The following MYH10 variants were observed in gnomAD, a reference collection of about 807,000 sequenced individuals.
MYH10 encodes the protein myosin heavy chain 10, also known as myosin-10.
MYH10 carries 55 observed loss-of-function variants against 257.8 expected under a neutral mutation model. The ratio of observed to expected loss-of-function variants is 0.21; its 90% CI spans 0.17 to 0.27. The LOEUF (loss-of-function observed/expected upper bound fraction) is 0.27, where lower values mean the gene tolerates loss of function less well. Ranked by LOEUF, MYH10 falls within the 10% of genes least tolerant of loss-of-function variation. The pLI, the probability that MYH10 is intolerant of heterozygous loss-of-function variation, is 1.00. For missense variants in MYH10, 1,631 were observed against 2,500.6 expected (o/e 0.65, Z 7.42); for synonymous variants, 854 against 921.7 (o/e 0.93, Z 1.33).
chr17:8,570,446 CAG>C (rs1361653682), intron 6 of MYH10, among the ~76,000 whole-genome samples: 3 of 152,126 alleles, frequency 2.0e-5, no homozygotes, highest in African/African-American at 7.2e-5. Context: ...GGCTATAAAA[CAG>C]ATTTTACAAA....
chr17:8,615,662 A>G (rs1355803524), intron 2 of MYH10, among the ~76,000 whole-genome samples: 1 of 152,240 alleles, frequency 6.6e-6, no homozygotes. Flanking sequence ...ATTCTCCACA[A>G]TAACAAAATA....
At chr17:8,624,563 G>T (rs2085598638) in intron 1 of MYH10, among the ~76,000 whole-genome samples, 1 of 152,116 alleles carries the variant, frequency 6.6e-6, no homozygotes, top group African/African-American at 2.4e-5. Flanking sequence ...TTCTTTGTAG[G>T]CAAGAGGAAA....
intron 3 of MYH10, among the ~76,000 whole-genome samples, chr17:8,600,263 G>T (rs2084541251): frequency 3.9e-5 from 6 of 152,142 alleles, no homozygotes. Flanking sequence ...GGTAGAAGAT[G>T]GCCATGAAAT....
intron 7 of MYH10, among the ~76,000 whole-genome samples, chr17:8,556,144 A>G (rs2082785595): frequency 6.6e-6 from 1 of 152,256 alleles, no homozygotes; most frequent in Admixed American, 6.5e-5. Context: ...TAGCAAAGAT[A>G]CAGAATAACT....
intron 13 of MYH10, among the ~76,000 whole-genome samples, 156 bp from the exon 14 acceptor site, chr17:8,542,436 G>T (rs910508785): frequency 1.3e-5 from 2 of 152,156 alleles, no homozygotes; most frequent in Admixed American, 1.3e-4. Flanking sequence ...CTAAACCAAG[G>T]GGGGTGGTCT....
chr17:8,516,912 G>A (rs1188210945), intron 21 of MYH10, among the ~76,000 whole-genome samples: 1 of 152,172 alleles, frequency 6.6e-6, no homozygotes, highest in Non-Finnish European at 1.5e-5. Flanking sequence ...GCTGAGGCGG[G>A]TGGATCACAA....
intron 17 of MYH10, among the ~76,000 whole-genome samples, chr17:8,521,943 C>G (rs558614831): frequency 6.6e-6 from 1 of 152,310 alleles, no homozygotes; most frequent in African/African-American, 2.4e-5. Flanking sequence ...AGATAAATGA[C>G]TAAGCTTCCT....
chr17:8,541,323 T>C (rs1023068205), intron 14 of MYH10, among the ~76,000 whole-genome samples: 1 of 152,240 alleles, frequency 6.6e-6, no homozygotes, highest in African/African-American at 2.4e-5. Flanking sequence ...ACTTAACTAG[T>C]GTTAGAGCTT....
chr17:8,531,680 C>T (rs753174063), intron 16 of MYH10, among the ~76,000 whole-genome samples: 8 of 151,930 alleles, frequency 5.3e-5, no homozygotes, highest in East Asian at 1.9e-4. Context: ...CGTGAGCCAC[C>T]GTGCCCAGCC....
At chr17:8,580,468 C>G (rs2083662571) in intron 4 of MYH10, among the ~76,000 whole-genome samples, 1 of 148,606 alleles carries the variant, frequency 6.7e-6, no homozygotes, top group Admixed American at 6.7e-5. Flanking sequence ...TTGTATTTTT[C>G]TAAGTTCAAA....
At chr17:8,500,189 C>G (rs934218373) in intron 29 of MYH10, among the ~76,000 whole-genome samples, 2 of 152,062 alleles carry the variant, frequency 1.3e-5, no homozygotes, top group Non-Finnish European at 2.9e-5. Context: ...TGTGGCTAGG[C>G]AAAGAACAGA....
rs753805182 is a variant in MYH10, at chr17:8,478,440, T to C, written c.5604A>G (p.Arg1868=). ...GACGGACTAATTTGTTGGCGGCTGC[T>C]CGTTCCCTGTGAAAGTGGTCACAGT... is the stretch of plus-strand genomic sequence containing the variant. The part of the protein sequence containing the change: ...EEQLEQEAKE[R]AAANKLVRRT... The change falls in exon 41 of 43, where the codon CGA becomes CGG. Residue 1868 remains arginine (R), a synonymous_variant. Transcript: ENST00000360416. 1.9e-6 allele frequency: 3 copies of C among 1,614,100 alleles called. No homozygotes were observed. The highest frequency in any genetic ancestry group is 2.5e-6 in the Non-Finnish European group (3 of 1,180,022).
intron 2 of MYH10, among the ~76,000 whole-genome samples, chr17:8,618,279 G>A (rs895479149): frequency 3.5e-5 from 5 of 143,398 alleles, no homozygotes; most frequent in African/African-American, 5.3e-5. Flanking sequence ...ATGGAGTTTC[G>A]CTCTTGTTGC....
intron 2 of MYH10, among the ~76,000 whole-genome samples, chr17:8,615,092 G>T (rs764752554): frequency 3.0e-4 from 45 of 152,118 alleles, no homozygotes; most frequent in Admixed American, 1.3e-4. Context: ...TCAGGGTTTT[G>T]AGACAAGACT....
At chr17:8,531,291 ATACTGT>A (rs1278870914) in intron 16 of MYH10, among the ~76,000 whole-genome samples, 2 of 152,184 alleles carry the variant, frequency 1.3e-5, no homozygotes, top group Admixed American at 6.5e-5. Context: ...CTTATTGATC[ATACTGT>A]TACTCATGAA....
intron 1 of MYH10, among the ~76,000 whole-genome samples, chr17:8,628,270 G>A (rs1225283750): frequency 1.3e-5 from 2 of 152,154 alleles, no homozygotes; most frequent in African/African-American, 4.8e-5. Flanking sequence ...TCATTTATCT[G>A]TGTATGAATT....
chr17:8,596,510 C>T (rs577817446), intron 3 of MYH10, among the ~76,000 whole-genome samples: 210 of 152,182 alleles, frequency 1.4e-3, no homozygotes, highest in African/African-American at 4.9e-3. Flanking sequence ...GCTTGTTTTC[C>T]TTGCTTTTAT....
chr17:8,484,722 T>C (rs1444704803), intron 36 of MYH10, among the ~76,000 whole-genome samples: 1 of 152,190 alleles, frequency 6.6e-6, no homozygotes, highest in African/African-American at 2.4e-5. Flanking sequence ...TCACAATAAA[T>C]GCTGAAGAAG....
intron 2 of MYH10, among the ~76,000 whole-genome samples, chr17:8,621,871 T>C (rs2085481451): frequency 6.6e-6 from 1 of 152,326 alleles, no homozygotes; most frequent in Admixed American, 6.5e-5. Context: ...ATTCTCCTAC[T>C]TACTCTCTCC....
Sources: gnomAD v4.1 joint callset for allele counts (sites outside exome capture counted in the v4.1 genomes callset) on GRCh38, gnomAD v4.1.1 for gene constraint, MANE v1.5 for transcripts, NCBI Gene and HGNC (gene_info 2026-07-23, HGNC 2026-07-21) for gene names.